The following GRM8 variants were observed in gnomAD, a reference collection of about 807,000 sequenced individuals.
The protein encoded by GRM8 is glutamate metabotropic receptor 8.
Under a neutral mutation model 87.2 loss-of-function variants are expected in GRM8, and 47 were observed. The observed-to-expected ratio is 0.54, with a 90% CI of 0.43 to 0.69. The LOEUF (loss-of-function observed/expected upper bound fraction) is 0.69. GRM8 is among the 30% of genes least tolerant of loss of function. The probability of loss-of-function intolerance (pLI) is 0.00; values close to 1 mark genes in which losing one functional copy is unlikely to be tolerated. For synonymous variants in GRM8, 396 were observed against 404.5 expected (o/e 0.98, Z 0.25); for missense variants, 1,019 against 1,139.2 (o/e 0.89, Z 1.52).
At chr7:126,554,187 G>A (rs892831903) in intron 8 of GRM8, among the ~76,000 whole-genome samples, 1 of 151,940 alleles carries the variant, frequency 6.6e-6, no homozygotes, top group African/African-American at 2.4e-5. Flanking sequence ...ATTACTAAAT[G>A]TGTAAATACA....
chr7:126,747,038 T>C (rs1250535859), intron 7 of GRM8, among the ~76,000 whole-genome samples: 1 of 151,890 alleles, frequency 6.6e-6, no homozygotes, highest in African/African-American at 2.4e-5. Flanking sequence ...ATATATTTTT[T>C]TCATGTTTAG....
intron 7 of GRM8, among the ~76,000 whole-genome samples, chr7:126,723,276 C>T (rs1036770581): frequency 1.3e-5 from 2 of 151,900 alleles, no homozygotes; most frequent in South Asian, 2.1e-4. Flanking sequence ...CTTCATGAGA[C>T]CTCTTACATT....
chr7:126,490,054 T>G (rs1002296889), intron 9 of GRM8, among the ~76,000 whole-genome samples: 3 of 152,062 alleles, frequency 2.0e-5, no homozygotes, highest in Non-Finnish European at 4.4e-5. Flanking sequence ...CCCACTGGCT[T>G]TCCTGGTTCT....
At chr7:126,716,972 G>A (rs968229732) in intron 7 of GRM8, among the ~76,000 whole-genome samples, 1 of 152,116 alleles carries the variant, frequency 6.6e-6, no homozygotes. Flanking sequence ...AATCTTTTGA[G>A]GTGGAGAAAA....
chr7:126,522,254 A>G (rs1813094208), intron 9 of GRM8, among the ~76,000 whole-genome samples: 1 of 152,122 alleles, frequency 6.6e-6, no homozygotes, highest in Non-Finnish European at 1.5e-5. Flanking sequence ...TTCCACCGCC[A>G]CATGTCAAAC....
intron 3 of GRM8, among the ~76,000 whole-genome samples, chr7:127,099,002 TATA>T (rs1166581091): frequency 2.0e-5 from 3 of 152,220 alleles, no homozygotes; most frequent in African/African-American, 7.2e-5. Flanking sequence ...CCTTGCCCCT[TATA>T]ATGATAGCAG....
At chr7:126,738,509 A>C (rs1205808715) in intron 7 of GRM8, among the ~76,000 whole-genome samples, 2 of 151,718 alleles carry the variant, frequency 1.3e-5, no homozygotes, top group African/African-American at 4.8e-5. Flanking sequence ...TAAGATGAGA[A>C]ACTCAAGAGA....
Position 126,533,367 on chromosome 7 carries a change from C to A in GRM8, c.2015G>T (p.Arg672Leu). 6.2e-7 allele frequency: 1 copy of A among 1,613,796 alleles called. No homozygotes were observed. Among genetic ancestry groups the A allele is most frequent in the Non-Finnish European group, 8.5e-7 (1 of 1,179,922 alleles). Reference sequence around the variant, plus strand: ...CCCCTGCTCAAATATTCGGTGGATACGGTTTGTTTTGGTCAGAAGGGCTGC... The same window carrying A: ...CCCCTGCTCAAATATTCGGTGGATAAGGTTTGTTTTGGTCAGAAGGGCTGC... ...SYAALLTKTN[R>L]IHRIFEQGKK... Residue 672 changes from arginine (R) to leucine (L), a missense_variant, in exon 9 of 11, where the codon CGT (arginine) becomes CTT (leucine). Physicochemically the swap from Arg to Leu is moderately radical, Grantham distance 102 (BLOSUM62 -2). Coordinates refer to ENST00000339582, the MANE Select transcript of GRM8 (RefSeq NM_000845.3).
At chr7:126,890,044 C>T (rs1363496099) in intron 6 of GRM8, among the ~76,000 whole-genome samples, 2 of 152,066 alleles carry the variant, frequency 1.3e-5, no homozygotes, top group East Asian at 1.9e-4. Flanking sequence ...ATCAAAGTTA[C>T]ATTTACATTT....
chr7:126,785,026 G>A lies in GRM8; in HGVS notation c.1157-14961C>T, dbSNP rs531926858. 1.2e-4 allele frequency among the ~76,000 whole-genome samples: 18 copies of A among 152,158 alleles called. No individual in the cohort carries two copies. In the South Asian group the frequency reaches 1.9e-3, roughly 16 times the overall value. ...CTTTGACTTTTTATCACAAGCTTGC[G>A]TTCAGCTTCTATATGAGGTGACTTT... On this transcript the variant is annotated intron_variant, in intron 6 of 10. Coordinates refer to ENST00000339582, the MANE Select transcript of GRM8 (RefSeq NM_000845.3).
intron 3 of GRM8, among the ~76,000 whole-genome samples, chr7:127,015,136 GGAAGAAGGAAGAAGGAAGAA>G (rs1433042247): frequency 7.3e-6 from 1 of 137,662 alleles, no homozygotes; most frequent in African/African-American, 2.8e-5. Flanking sequence ...AGAAGGAGAA[GGAAGAAGGAAGAAGGAAGAA>G]GGAGAAGGAG....
At chr7:126,903,565 TACACACACACACACACACACACAC>T (rs35182354) in intron 5 of GRM8, among the ~76,000 whole-genome samples, 1 of 118,570 alleles carries the variant, frequency 8.4e-6, no homozygotes, top group Admixed American at 9.2e-5. Flanking sequence ...CCTAAATACA[TACACACACACACACACACACACAC>T]ACACACACAC....
At chr7:127,115,980 T>C (rs1247306163) in intron 2 of GRM8, among the ~76,000 whole-genome samples, 4 of 152,114 alleles carry the variant, frequency 2.6e-5, no homozygotes, top group African/African-American at 9.7e-5. Context: ...TTGCCAGGCA[T>C]GGTGGTGCAC....
intron 3 of GRM8, among the ~76,000 whole-genome samples, chr7:126,977,876 C>T (rs780303485): frequency 1.3e-5 from 2 of 152,010 alleles, no homozygotes; most frequent in African/African-American, 2.4e-5. Context: ...AGGTTGGAGA[C>T]AAGGACTATA....
At chr7:127,206,188 T>G (rs1795902113) in intron 2 of GRM8, among the ~76,000 whole-genome samples, 1 of 152,214 alleles carries the variant, frequency 6.6e-6, no homozygotes, top group Non-Finnish European at 1.5e-5. Context: ...TCAGCTCTTG[T>G]GGGTGAGGTA....
rs760554536 is a variant in GRM8 at position 127,243,021 on chromosome 7, C to T, written c.184G>A (p.Val62Met). 1 of 1,613,822 alleles carries T rather than the reference C, an allele frequency of 6.2e-7. No homozygotes were observed. The highest frequency in any genetic ancestry group is 1.3e-5 in the African/African-American group (1 of 74,890). ...TCCTTCTTCAGCTCCCCACAAGGCA[C>T]CCCTCTCTCTCCCTTTGCGTGGACA... ...FPVHAKGERG[V>M]PCGELKKEKG... The change falls in exon 2 of 11, where the codon GTG becomes ATG. Residue 62 changes from valine to methionine, a missense_variant. Physicochemically the swap from Val to Met is conservative, Grantham distance 21. Transcript: ENST00000339582.
intron 7 of GRM8, among the ~76,000 whole-genome samples, chr7:126,707,882 A>G (rs1056963132): frequency 6.6e-6 from 1 of 152,172 alleles, no homozygotes; most frequent in Non-Finnish European, 1.5e-5. Context: ...CAAGAAGAGC[A>G]AACAATACCA....
intron 6 of GRM8, among the ~76,000 whole-genome samples, chr7:126,901,008 A>C (rs1180046549): frequency 6.6e-6 from 1 of 152,142 alleles, no homozygotes; most frequent in Admixed American, 6.5e-5. Flanking sequence ...AATAAAGCCC[A>C]AATTCCTCAA....
intron 9 of GRM8, among the ~76,000 whole-genome samples, chr7:126,521,114 C>T (rs1055690393): frequency 6.6e-6 from 1 of 152,090 alleles, no homozygotes; most frequent in Non-Finnish European, 1.5e-5. Flanking sequence ...TTAGAGAAAG[C>T]AGCTGCCAGG....
Sources: allele counts gnomAD v4.1 joint callset (sites outside exome capture counted in the v4.1 genomes callset), GRCh38; gene constraint gnomAD v4.1.1; transcripts MANE v1.5; gene names NCBI Gene and HGNC (gene_info 2026-07-23, HGNC 2026-07-21).